KNDC1: variants seen among roughly 807,000 people sequenced by gnomAD.
KNDC1 encodes the protein kinase non-catalytic C-lobe domain containing 1.
In KNDC1, 106 loss-of-function variants were observed where a neutral mutation model predicts 172.8. The ratio of observed to expected loss-of-function variants is 0.61; its 90% CI spans 0.52 to 0.72. The LOEUF is 0.72. Among genes scored for constraint, KNDC1 ranks in the 30% least tolerant of loss-of-function variants. KNDC1 has a pLI of 0.00. For synonymous variants in KNDC1, 1,083 were observed against 1,062.2 expected (o/e 1.02, Z -0.38); for missense variants, 2,325 against 2,394.5 (o/e 0.97, Z 0.61).
At chr10:133,177,927 G>A (rs1226910275) in intron 3 of KNDC1, among the ~76,000 whole-genome samples, 5 of 150,828 alleles carry the variant, frequency 3.3e-5, no homozygotes, top group African/African-American at 1.2e-4. Flanking sequence ...CAAGCATGTA[G>A]TGTGTTATGT....
intron 3 of KNDC1, among the ~76,000 whole-genome samples, chr10:133,172,551 C>G (rs11101604): frequency 6.6e-6 from 1 of 152,312 alleles, no homozygotes; most frequent in African/African-American, 2.4e-5. Flanking sequence ...CAGGATTGTT[C>G]TAATCCTGTA....
In KNDC1 at chr10:133,219,942, G is replaced by A; in HGVS notation, c.4861-13G>A. 6.5e-7 allele frequency: 1 copy of A among 1,547,306 alleles called. No individual in the cohort carries two copies. Among genetic ancestry groups the A allele is most frequent in the Non-Finnish European group, 8.7e-7 (1 of 1,144,704 alleles). On this transcript the variant is annotated splice_polypyrimidine_tract_variant and intron_variant, in intron 28 of 29. Coordinates refer to ENST00000304613, the MANE Select transcript of KNDC1 (RefSeq NM_152643.8). ...CTGTCTCTCCCCGGCCCACGCCCCG[G>A]CTGGACCACCAGGTCTTCCTGAAGA...
chr10:133,174,536 T>G (rs1224299671), intron 3 of KNDC1, among the ~76,000 whole-genome samples: 1 of 152,218 alleles, frequency 6.6e-6, no homozygotes, highest in Non-Finnish European at 1.5e-5. Context: ...ATTTTCTAAA[T>G]AAATGGATTG....
In KNDC1 at chr10:133,168,306, CT is replaced by C; in HGVS notation, c.357del (p.Phe119LeufsTer12). 1 of 1,614,092 alleles carries C rather than the reference CT, an allele frequency of 6.2e-7. No individual in the cohort carries two copies. Among genetic ancestry groups the C allele is most frequent in the Non-Finnish European group, 8.5e-7 (1 of 1,179,956 alleles). The stretch of plus-strand genomic sequence containing the variant: ...CCGAGTTCGACGTGACCGGGAACAC[CT>C]TTGAGGTAAGTGCAGGTGGGGGTAA... ...PPEFDVTGNT[F>X]EAHIYSLGAT... On this transcript the variant is annotated frameshift_variant, in exon 3 of 30. Coordinates refer to ENST00000304613, the MANE Select transcript of KNDC1 (RefSeq NM_152643.8). LOFTEE classifies it high-confidence loss of function.
intron 17 of KNDC1, among the ~76,000 whole-genome samples, chr10:133,204,731 A>G (rs1854475412): frequency 6.6e-6 from 1 of 152,234 alleles, no homozygotes; most frequent in Non-Finnish European, 1.5e-5. Context: ...GCGGCTGACA[A>G]GGCGAGGGGG....
At chr10:133,184,076 C>A (rs899845932) in intron 5 of KNDC1, 87 bp downstream of exon 5, 4 of 715,172 alleles carry the variant, frequency 5.6e-6, no homozygotes, top group Admixed American at 2.4e-5. Context: ...GCAAACACAC[C>A]CATGCACACA....
In KNDC1 at chr10:133,186,142, C is replaced by T. The variant is rs34697182; in HGVS notation, c.794C>T (p.Thr265Ile). The T allele has an allele frequency of 0.018, 28,020 of 1,591,566 alleles. 315 individuals carry two copies. The highest frequency in any genetic ancestry group is 0.031 in the South Asian group (2,735 of 88,392). ...TCCCCAACCAAGGCTCTGCTGTCCA[C>T]CCCGGTGAGAAATGGCGAGAGCCAC... The part of the protein sequence containing the change: ...RASPTKALLS[T>I]PVRNGESHSR... Residue 265 changes from threonine to isoleucine, a missense_variant, in exon 6 of 30, where the codon ACC becomes ATC. Transcript: ENST00000304613.
rs761857268 is a variant in KNDC1, at chr10:133,186,418, C to T, written c.1070C>T (p.Ala357Val). ...DRKNGLSSFQ[A>V]QPKCRLWPEQ... ...AAAAATGGCCTTTCTAGCTTCCAGG[C>T]TCAGCCCAAATGCAGGCTGTGGCCG... Residue 357 changes from alanine to valine, a missense_variant, in exon 6 of 30, where the codon GCT becomes GTT. Physicochemically the swap from Ala to Val is moderately conservative, Grantham distance 64 (BLOSUM62 0). Coordinates refer to ENST00000304613, the MANE Select transcript of KNDC1 (RefSeq NM_152643.8). The T allele has an allele frequency of 6.2e-7, 1 of 1,612,718 alleles. No individual in the cohort carries two copies. The highest frequency in any genetic ancestry group is 8.5e-7 in the Non-Finnish European group (1 of 1,179,926).
chr10:133,205,488 C>T (rs1589766236), intron 17 of KNDC1, among the ~76,000 whole-genome samples: 4 of 152,224 alleles, frequency 2.6e-5, no homozygotes, highest in South Asian at 2.1e-4. Context: ...GAATCACACC[C>T]GGGCGTGCAC....
intron 3 of KNDC1, among the ~76,000 whole-genome samples, chr10:133,182,606 T>TG (rs949684787): frequency 6.6e-6 from 1 of 152,208 alleles, no homozygotes; most frequent in African/African-American, 2.4e-5. Flanking sequence ...GTGTCCAGGG[T>TG]GGACCTCGTG....
intron 29 of KNDC1, among the ~76,000 whole-genome samples, chr10:133,221,838 GCT>G: frequency 8.7e-6 from 1 of 114,998 alleles, no homozygotes; most frequent in Non-Finnish European, 1.9e-5. Flanking sequence ...GGTAGGCCGG[GCT>G]GGGTGCAGCC....
At chr10:133,180,922 C>T (rs1303587221) in intron 3 of KNDC1, among the ~76,000 whole-genome samples, 2 of 152,240 alleles carry the variant, frequency 1.3e-5, no homozygotes, top group East Asian at 1.9e-4. Context: ...GGCAAAGCCG[C>T]AGAGACTGGC....
chr10:133,180,313 C>T (rs1853678418), intron 3 of KNDC1, among the ~76,000 whole-genome samples: 1 of 152,234 alleles, frequency 6.6e-6, no homozygotes, highest in South Asian at 2.1e-4. Context: ...AGGCAGGCCC[C>T]GTATGGCTCT....
intron 3 of KNDC1, among the ~76,000 whole-genome samples, chr10:133,173,423 C>G (rs768152164): frequency 6.6e-6 from 1 of 152,174 alleles, no homozygotes; most frequent in Non-Finnish European, 1.5e-5. Context: ...ATGAATGTTC[C>G]TCAACCTGTA....
chr10:133,205,530 G>C (rs1035719768), intron 17 of KNDC1, among the ~76,000 whole-genome samples: 1 of 152,230 alleles, frequency 6.6e-6, no homozygotes, highest in African/African-American at 2.4e-5. Flanking sequence ...ATGCTCTATG[G>C]AGCACCCAAG....
At chr10:133,188,732 C>T (rs1271097156) in intron 7 of KNDC1, 79 bp downstream of exon 7, 1 of 617,218 alleles carries the variant, frequency 1.6e-6, no homozygotes, top group Non-Finnish European at 2.7e-6. Flanking sequence ...GTCCCACACC[C>T]CCGCCGTCCC....
At chr10:133,166,875 G>A (rs373417087) in intron 1 of KNDC1, among the ~76,000 whole-genome samples, 4 of 152,294 alleles carry the variant, frequency 2.6e-5, no homozygotes, top group South Asian at 2.1e-4. Flanking sequence ...GGGAACCGCC[G>A]TGACTGTGTC....
chr10:133,219,064 G>T lies in KNDC1; in HGVS notation c.4834G>T (p.Val1612Phe). The change falls in exon 28 of 30, where the codon GTC (valine) becomes TTC (phenylalanine). Residue 1612 changes from valine (V) to phenylalanine (F), a missense_variant. Physicochemically the swap from Val to Phe is conservative, Grantham distance 50. Coordinates refer to ENST00000304613, the MANE Select transcript of KNDC1 (RefSeq NM_152643.8). ...WRILPAKIAE[V>F]MEELKAVEVF... is the part of the protein sequence containing the mutation. ...AATTCTGCCTGCAAAGATAGCAGAG[G>T]TCATGGAGGAGCTGAAAGCCGTGGA... 6.2e-7 allele frequency: 1 copy of T among 1,614,044 alleles called. No homozygotes were observed. Among genetic ancestry groups the T allele is most frequent in the South Asian group, 1.1e-5 (1 of 91,088 alleles).
chr10:133,198,902 G>A lies in KNDC1; in HGVS notation c.2394G>A (p.Pro798=), dbSNP rs373731828. Residue 798 remains proline, a synonymous_variant, in exon 14 of 30, where the codon CCG becomes CCA. Transcript: ENST00000304613. ...CTGCGCTGCCCGTAGAGCAAGGGCC[G>A]GCTGAGCCGATCCCACCTGGAGTTG... ...KASALPVEQG[P]AEPIPPGVAS... 2.2e-5 allele frequency: 35 copies of A among 1,586,360 alleles called. No individual in the cohort carries two copies. The highest frequency in any genetic ancestry group is 8.6e-5 in the Admixed American group (5 of 58,302).
Sources: gnomAD v4.1 joint callset for allele counts (sites outside exome capture counted in the v4.1 genomes callset) on GRCh38, gnomAD v4.1.1 for gene constraint, MANE v1.5 for transcripts, NCBI Gene and HGNC (gene_info 2026-07-23, HGNC 2026-07-21) for gene names.